The following FBXW8 variants were observed in gnomAD, a reference collection of about 807,000 sequenced individuals.
FBXW8 encodes F-box and WD repeat domain containing 8.
A neutral mutation model predicts 65.3 loss-of-function variants in FBXW8; 57 were observed. The ratio of observed to expected loss-of-function variants is 0.87; its 90% CI spans 0.71 to 1.09. The LOEUF (loss-of-function observed/expected upper bound fraction) is 1.09, where lower values mean the gene tolerates loss of function less well. FBXW8 is among the 50% of genes least tolerant of loss of function. The pLI, the probability that FBXW8 is intolerant of heterozygous loss-of-function variation, is 0.00. For synonymous variants in FBXW8, 308 were observed against 330.2 expected (o/e 0.93, Z 0.73); for missense variants, 777 against 814.8 (o/e 0.95, Z 0.57).
intron 1 of FBXW8, among the ~76,000 whole-genome samples, chr12:116,912,257 G>A (rs377453140): frequency 8.1e-5 from 12 of 147,278 alleles, no homozygotes; most frequent in African/African-American, 3.0e-4. Context: ...TTGCTCTCCC[G>A]GCCCACTGCA....
chr12:116,949,821 GT>G, intron 4 of FBXW8, 115 bp downstream of exon 4: 1 of 928,300 alleles, frequency 1.1e-6, no homozygotes, highest in Non-Finnish European at 1.8e-6. Context: ...ACCTCCCTCA[GT>G]TACAGCCCAT....
At chr12:116,960,806 T>A (rs375753222) in intron 4 of FBXW8, among the ~76,000 whole-genome samples, 1 of 152,186 alleles carries the variant, frequency 6.6e-6, no homozygotes, top group East Asian at 1.9e-4. Context: ...TACAGTCAAG[T>A]TGAGGAGACG....
At chr12:116,949,875 G>A in intron 4 of FBXW8, 169 bp downstream of exon 4, 1 of 655,666 alleles carries the variant, frequency 1.5e-6, no homozygotes, top group Non-Finnish European at 2.8e-6. Flanking sequence ...CCAAGGACGT[G>A]AGAGCGCGCA....
At chr12:116,944,579 G>A (rs772679512) in intron 2 of FBXW8, among the ~76,000 whole-genome samples, 31 of 152,186 alleles carry the variant, frequency 2.0e-4, no homozygotes, top group Non-Finnish European at 3.7e-4. Flanking sequence ...TGTGCAGACC[G>A]GGATCACGCT....
chr12:116,979,712 T>A (rs1222945792), intron 5 of FBXW8: 8 of 149,704 alleles, frequency 5.3e-5, no homozygotes, highest in Non-Finnish European at 8.8e-5. Context: ...TCTGTTTCTC[T>A]AGTGTGGGGC....
At chr12:116,978,326 T>C (rs1346863545) in intron 5 of FBXW8, 1 of 152,286 alleles carries the variant, frequency 6.6e-6, no homozygotes, top group Non-Finnish European at 1.5e-5. Context: ...GCTAGTTTTA[T>C]GTCTCTGGCC....
Position 116,961,843 on chromosome 12 carries a change from A to T in FBXW8, c.678-2854A>T, listed in dbSNP as rs1310490021. 6.6e-6 allele frequency among the ~76,000 whole-genome samples: 1 copy of T among 152,224 alleles called. No homozygotes were observed. The highest frequency in any genetic ancestry group is 1.5e-5 in the Non-Finnish European group (1 of 68,038). On this transcript the variant is annotated intron_variant, in intron 4 of 10. Coordinates refer to ENST00000652555, the MANE Select transcript of FBXW8 (RefSeq NM_153348.3). This position sits in a 1 kb window ranked among gnomAD's most constrained non-coding sequence, Gnocchi z 4.4. Reference sequence around the variant, plus strand: ...ATGGTTCCAGAAGAAAGATTCATGCAGTCAGGTGTTTTGAAGGGCTTGGCT... The same window carrying T: ...ATGGTTCCAGAAGAAAGATTCATGCTGTCAGGTGTTTTGAAGGGCTTGGCT...
Position 116,936,920 on chromosome 12 carries a change from G to A in FBXW8, c.424-8444G>A, listed in dbSNP as rs761855150. Among the ~76,000 whole-genome samples the A allele has an allele frequency of 1.1e-4, 17 of 152,120 alleles. No homozygotes were observed. The highest frequency in any genetic ancestry group is 1.8e-4 in the Non-Finnish European group (12 of 68,020). On this transcript the variant is annotated intron_variant, in intron 2 of 10. Transcript: ENST00000652555. This position sits in a 1 kb window ranked among gnomAD's most constrained non-coding sequence, Gnocchi z 4.6. ...AGAGGGGTGACAAGGGCTGCCCTAC[G>A]TTTAAAAAGGGACCATTTGGGCTGC...
chr12:116,934,681 TC>T (rs1882033917), intron 2 of FBXW8, among the ~76,000 whole-genome samples: 7 of 152,192 alleles, frequency 4.6e-5, no homozygotes, highest in Admixed American at 4.6e-4. Flanking sequence ...TACAGAGAGT[TC>T]CTGTGTACCC....
At position 116,988,728 on chromosome 12, in the gene FBXW8, T is replaced by A; in HGVS notation, c.1098T>A (p.Asp366Glu). Residue 366 changes from aspartate (D) to glutamate (E), a missense_variant, in exon 7 of 11, where the codon GAT becomes GAA. By Grantham distance (45) the Asp-to-Glu change is conservative. Transcript: ENST00000652555. The part of the protein sequence containing the change: ...RYPVAVAAAG[D>E]LMYLLKAEDS... ...CTGTGGCAGTAGCCGCTGCTGGAGATCTGATGTACCTGCTCAAAGCCGAAG... is the reference window on the plus strand; with the variant it reads ...CTGTGGCAGTAGCCGCTGCTGGAGAACTGATGTACCTGCTCAAAGCCGAAG... 1 of 1,614,142 alleles carries A rather than the reference T, an allele frequency of 6.2e-7. No individual in the cohort carries two copies. Among genetic ancestry groups the A allele is most frequent in the Non-Finnish European group, 8.5e-7 (1 of 1,180,022 alleles).
At chr12:116,951,830 C>T (rs1883305507) in intron 4 of FBXW8, among the ~76,000 whole-genome samples, 1 of 152,182 alleles carries the variant, frequency 6.6e-6, no homozygotes. Context: ...TGAAAATAGT[C>T]ACTCGTTGAT....
At chr12:116,970,579 C>A (rs1884594200) in intron 5 of FBXW8, among the ~76,000 whole-genome samples, 1 of 152,190 alleles carries the variant, frequency 6.6e-6, no homozygotes, top group Non-Finnish European at 1.5e-5. Flanking sequence ...CTAGGTACTT[C>A]TAAAGTTTTA....
intron 9 of FBXW8, among the ~76,000 whole-genome samples, chr12:117,026,832 G>C (rs1954244119): frequency 6.6e-6 from 1 of 152,320 alleles, no homozygotes; most frequent in Middle Eastern, 3.4e-3. Flanking sequence ...AGCCGGTACT[G>C]CATGAAAGTT....
intron 8 of FBXW8, among the ~76,000 whole-genome samples, chr12:117,014,649 A>C (rs114149365): frequency 8.0e-4 from 122 of 152,146 alleles, no homozygotes; most frequent in African/African-American, 2.7e-3. Flanking sequence ...AGTTCTGTTT[A>C]CCCTTTGTGG....
intron 8 of FBXW8, among the ~76,000 whole-genome samples, chr12:117,012,023 C>T (rs1467292914): frequency 6.6e-6 from 1 of 152,108 alleles, no homozygotes; most frequent in African/African-American, 2.4e-5. Context: ...AGGTTATATG[C>T]AAATACCACA....
chr12:117,011,127 C>CTTTTTTT (rs397946872), intron 8 of FBXW8, among the ~76,000 whole-genome samples: 13,882 of 121,732 alleles, frequency 0.11, 2,177 homozygotes, highest in African/African-American at 0.33. Flanking sequence ...TTTTCTTTTC[C>CTTTTTTT]TTTTTTTTTT....
chr12:117,017,714 C>T (rs1284913384), intron 8 of FBXW8, among the ~76,000 whole-genome samples: 1 of 152,028 alleles, frequency 6.6e-6, no homozygotes, highest in Non-Finnish European at 1.5e-5. Context: ...ATTGCTTGTT[C>T]TCTTTGTTTT....
intron 4 of FBXW8, among the ~76,000 whole-genome samples, chr12:116,958,579 T>C: frequency 6.6e-6 from 1 of 152,182 alleles, no homozygotes; most frequent in East Asian, 1.9e-4. Context: ...ATGGCGAGTT[T>C]ATAGGCTGCC....
At chr12:116,966,975 CA>C (rs1340787991) in intron 5 of FBXW8, among the ~76,000 whole-genome samples, 2 of 151,722 alleles carry the variant, frequency 1.3e-5, no homozygotes, top group African/African-American at 4.8e-5. Flanking sequence ...AAGTGATTGC[CA>C]AAATGTATTT....
Sources: allele counts gnomAD v4.1 joint callset (sites outside exome capture counted in the v4.1 genomes callset), GRCh38; gene constraint gnomAD v4.1.1; non-coding constraint Gnocchi (gnomAD v3.1); transcripts MANE v1.5; gene names NCBI Gene and HGNC (gene_info 2026-07-23, HGNC 2026-07-21).